The following RP9 variants were observed in gnomAD, a reference collection of about 807,000 sequenced individuals.
RP9 encodes the protein RP9 pre-mRNA splicing factor, also known as retinitis pigmentosa 9 protein.
RP9 carries 23 observed loss-of-function variants against 32.6 expected under a neutral mutation model. That is an observed-to-expected ratio of 0.71 (90% CI 0.51 to 1.00). The LOEUF (loss-of-function observed/expected upper bound fraction) is 1.00. RP9 is among the 50% of genes least tolerant of loss of function. The pLI is 0.00. For synonymous variants in RP9, 94 were observed against 103.6 expected (o/e 0.91, Z 0.56); for missense variants, 245 against 285.3 (o/e 0.86, Z 1.02).
At chr7:33,102,865 T>C (rs1384717533) in intron 1 of RP9, among the ~76,000 whole-genome samples, 1 of 152,100 alleles carries the variant, frequency 6.6e-6, no homozygotes, top group Non-Finnish European at 1.5e-5. Flanking sequence ...TTGGAGCAGG[T>C]GGAAGCCTCG....
chr7:33,108,952 G>A (rs1319012980), intron 1 of RP9, among the ~76,000 whole-genome samples: 1 of 152,200 alleles, frequency 6.6e-6, no homozygotes, highest in Non-Finnish European at 1.5e-5. Context: ...ACCCCCTGGA[G>A]CTAGGGAAGC....
At chr7:33,095,659 A>G (rs1788321315) in intron 5 of RP9, among the ~76,000 whole-genome samples, 1 of 152,156 alleles carries the variant, frequency 6.6e-6, no homozygotes, top group Admixed American at 6.6e-5. Context: ...TGTCCTAGAC[A>G]TTTCTGCATG....
chr7:33,108,936 C>T (rs1223283816), intron 1 of RP9, among the ~76,000 whole-genome samples: 1 of 152,228 alleles, frequency 6.6e-6, no homozygotes, highest in Non-Finnish European at 1.5e-5. Context: ...TTTGGACTCT[C>T]CTGGAACCCC....
At position 33,100,639 on chromosome 7, in the gene RP9, A is replaced by C; in HGVS notation, c.153-78T>G. 3 of 1,172,550 alleles carry C rather than the reference A, an allele frequency of 2.6e-6. 1 individual carries two copies. In the South Asian group the frequency reaches 3.7e-5, roughly 14 times the overall value. The allele number at this position is 1,172,550 out of a possible 1,614,324, so 72.6% of individuals were successfully genotyped here. The stretch of plus-strand genomic sequence containing the variant: ...ATCAAGTTACTGCAAAAAAGGGGCT[A>C]TAGGATTTTTAATCAGAGATTTTAG... On this transcript the variant is annotated intron_variant, in intron 1 of 5. Transcript: ENST00000297157.
chr7:33,103,556 G>A (rs1421503371), intron 1 of RP9, among the ~76,000 whole-genome samples: 1 of 152,188 alleles, frequency 6.6e-6, no homozygotes, highest in African/African-American at 2.4e-5. Flanking sequence ...GCTCATGCCT[G>A]TAATCCCAGC....
At chr7:33,098,657 T>TGA (rs1788377847) in intron 3 of RP9, among the ~76,000 whole-genome samples, 1 of 152,208 alleles carries the variant, frequency 6.6e-6, no homozygotes, top group Admixed American at 6.5e-5. Context: ...TACTGAACTC[T>TGA]GAGGCACGTT....
rs77496321 is a variant in RP9, at chr7:33,096,852, G to A, written c.406-298C>T. Among the ~76,000 whole-genome samples the A allele has an allele frequency of 0.013, 2,004 of 152,076 alleles. 91 individuals carry two copies. The East Asian group carries it at 0.17, about 13-fold the overall frequency. On this transcript the variant is annotated intron_variant, in intron 4 of 5. Transcript: ENST00000297157. Reference sequence around the variant, plus strand: ...CACCTCAAAAACAAAGAAAAATACAGGGAATAACTGTCATCTAAAGAAAAA... The same window carrying A: ...CACCTCAAAAACAAAGAAAAATACAAGGAATAACTGTCATCTAAAGAAAAA...
At chr7:33,095,564 T>C in intron 5 of RP9, 132 bp from the exon 6 acceptor site, 2 of 1,472,902 alleles carry the variant, frequency 1.4e-6, no homozygotes, top group Non-Finnish European at 1.8e-6. Context: ...ATTTTTATTT[T>C]TACCTGTTTT....
chr7:33,108,792 A>G (rs1251982022), intron 1 of RP9, among the ~76,000 whole-genome samples: 2 of 152,176 alleles, frequency 1.3e-5, no homozygotes, highest in African/African-American at 2.4e-5. Flanking sequence ...TACATAATTA[A>G]AAGTTTTTCT....
At chr7:33,106,710 C>G (rs1788504178) in intron 1 of RP9, among the ~76,000 whole-genome samples, 1 of 152,144 alleles carries the variant, frequency 6.6e-6, no homozygotes, top group Admixed American at 6.5e-5. Flanking sequence ...CTTTGGGAGG[C>G]TGAGGTGGGC....
rs1316639325 is a variant in RP9, at chr7:33,109,385, A to C, written c.-13T>G. 3 of 1,250,484 alleles carry C rather than the reference A, an allele frequency of 2.4e-6. No homozygotes were observed. Among genetic ancestry groups the C allele is most frequent in the Non-Finnish European group, 3.0e-6 (3 of 992,470 alleles). 77.5% of individuals were successfully genotyped at this position (1,250,484 alleles called of 1,614,324 possible). On this transcript the variant is annotated 5_prime_UTR_variant, in exon 1 of 6. Transcript: ENST00000297157. The surrounding 1 kb of genome is among the most constrained non-coding windows in gnomAD (Gnocchi z 4.9). ...GCCGGGACGACATGTCAGCCCCCGC[A>C]GCGCCGCTCGGGCAACCCCCGCGGC...
intron 1 of RP9, among the ~76,000 whole-genome samples, chr7:33,105,759 T>C (rs1788490338): frequency 6.6e-6 from 1 of 152,196 alleles, no homozygotes; most frequent in South Asian, 2.1e-4. Flanking sequence ...CACTGTATTA[T>C]ACCCTTTTTT....
At position 33,096,484 on chromosome 7, in the gene RP9, C is replaced by G; in HGVS notation, c.467+9G>C. On this transcript the variant is annotated intron_variant, in intron 5 of 5. Coordinates refer to ENST00000297157, the MANE Select transcript of RP9 (RefSeq NM_203288.2). ...TAAGGGGATATTGTTATCATCAGGA[C>G]GACCTCACCTTACGTCCTTTTCATG... The G allele has an allele frequency of 6.3e-7, 1 of 1,598,342 alleles. No homozygotes were observed. Among genetic ancestry groups the G allele is most frequent in the Non-Finnish European group, 8.6e-7 (1 of 1,165,674 alleles).
At chr7:33,106,015 G>C (rs1788493306) in intron 1 of RP9, among the ~76,000 whole-genome samples, 1 of 152,054 alleles carries the variant, frequency 6.6e-6, no homozygotes, top group South Asian at 2.1e-4. Context: ...TGGAGACATT[G>C]GGGGAAAAAC....
rs139607405 is a variant in RP9, at chr7:33,095,482, C to A, written c.468-50G>T. The A allele has an allele frequency of 6.6e-4, 1,066 of 1,609,124 alleles. 6 individuals are homozygous for A. In the African/African-American group the frequency reaches 0.013, roughly 19 times the overall value. ...AACAGTGAGTTTTAGCTTTAACTTA[C>A]AACAGTTGCTTAGATAAATATGTCA... On this transcript the variant is annotated intron_variant, in intron 5 of 5. Transcript: ENST00000297157.
chr7:33,103,835 A>G (rs1788462576), intron 1 of RP9, among the ~76,000 whole-genome samples: 1 of 152,178 alleles, frequency 6.6e-6, no homozygotes, highest in Non-Finnish European at 1.5e-5. Flanking sequence ...AACACAAAAC[A>G]AAACAAAATA....
At position 33,098,832 on chromosome 7, in the gene RP9, T is replaced by C. The variant is rs182286477; in HGVS notation, c.313+475A>G. Reference sequence around the variant, plus strand: ...CATTTTTATCTTCTATAAACCCATTTTGAAGGTAACAGCCATAGGATTTGT... The same window carrying C: ...CATTTTTATCTTCTATAAACCCATTCTGAAGGTAACAGCCATAGGATTTGT... On this transcript the variant is annotated intron_variant, in intron 3 of 5. Coordinates refer to ENST00000297157, the MANE Select transcript of RP9 (RefSeq NM_203288.2). Among the ~76,000 whole-genome samples the C allele has an allele frequency of 1.6e-3, 251 of 152,308 alleles. 1 individual carries two copies. Among genetic ancestry groups the C allele is most frequent in the Non-Finnish European group, 2.1e-4 (14 of 68,032 alleles).
At chr7:33,108,317 G>C (rs1483068697) in intron 1 of RP9, among the ~76,000 whole-genome samples, 2 of 152,138 alleles carry the variant, frequency 1.3e-5, no homozygotes, top group Non-Finnish European at 2.9e-5. Context: ...TTCCACTCGA[G>C]GTCTGTGTTA....
At chr7:33,099,016 A>G in intron 3 of RP9, 1 of 495,744 alleles carries the variant, frequency 2.0e-6, no homozygotes, top group Admixed American at 3.3e-5. Flanking sequence ...GGCCTAAACA[A>G]CAGAAACTGG....
Sources: allele counts gnomAD v4.1 joint callset (sites outside exome capture counted in the v4.1 genomes callset), GRCh38; gene constraint gnomAD v4.1.1; non-coding constraint Gnocchi (gnomAD v3.1); transcripts MANE v1.5; gene names NCBI Gene and HGNC (gene_info 2026-07-23, HGNC 2026-07-21).